HRH4: variants seen among roughly 807,000 people sequenced by gnomAD.
HRH4 encodes histamine H4 receptor.
HRH4 carries 12 observed loss-of-function variants against 10.4 expected under a neutral mutation model. The ratio of observed to expected loss-of-function variants is 1.15; its 90% CI spans 0.74 to 1.87. HRH4 has a LOEUF of 1.87. Ranked by LOEUF, HRH4 falls within the 40% of genes most tolerant of loss-of-function variation. The pLI is 0.00. For synonymous variants in HRH4, 154 were observed against 166.6 expected, an observed-to-expected ratio of 0.92 and a Z score of 0.58; for missense variants, 415 against 453.3, an observed-to-expected ratio of 0.92 and a Z score of 0.77.
Position 24,477,494 on chromosome 18 carries a change from T to G in HRH4, c.1105T>G (p.Phe369Val). 6.2e-7 allele frequency: 1 copy of G among 1,609,940 alleles called. No homozygotes were observed. Among genetic ancestry groups the G allele is most frequent in the South Asian group, 1.1e-5 (1 of 90,728 alleles). ...PLCHKRFQKA[F>V]LKIFCIKKQP... ...GTGTCACAAGCGCTTTCAAAAGGCT[T>G]TCTTGAAAATATTTTGTATAAAAAA... Residue 369 changes from phenylalanine (F) to valine (V), a missense_variant, in exon 3 of 3, where the codon TTC becomes GTC. Phe to Val is a conservative substitution (Grantham distance 50). Transcript: ENST00000256906.
Position 24,468,795 on chromosome 18 carries a change from C to T in HRH4, c.201C>T (p.Ile67=). ...LAISDFFVGV[I]SIPLYIPHTL... is the part of the protein sequence containing the mutation. ...TATGTTTTCCCTGTGCAGGTGTGATCTCCATTCCTTTGTACATCCCTCACA... is the reference window on the plus strand; with the variant it reads ...TATGTTTTCCCTGTGCAGGTGTGATTTCCATTCCTTTGTACATCCCTCACA... The change falls in exon 2 of 3, where the codon ATC becomes ATT. Residue 67 remains isoleucine (I), a synonymous_variant. Transcript: ENST00000256906. 1.9e-6 allele frequency: 3 copies of T among 1,612,086 alleles called. No individual in the cohort carries two copies. Among genetic ancestry groups the T allele is most frequent in the Non-Finnish European group, 2.5e-6 (3 of 1,179,346 alleles).
At chr18:24,475,399 G>A (rs1568099017) in intron 2 of HRH4, among the ~76,000 whole-genome samples, 1 of 152,212 alleles carries the variant, frequency 6.6e-6, no homozygotes, top group Non-Finnish European at 1.5e-5. Flanking sequence ...TAAGACAGGA[G>A]GATTACTTGA....
At position 24,479,302 on chromosome 18, in the gene HRH4, A is replaced by G. The variant is rs922634682; in HGVS notation, c.*1740A>G. ...CCTGTATGTCAATTATTATTTTAAA[A>G]TATTGTTGTATTTACTTAATGTCTT... On this transcript the variant is annotated 3_prime_UTR_variant, in exon 3 of 3. Transcript: ENST00000256906. The G allele has an allele frequency of 1.3e-5, 2 of 152,168 alleles. No individual in the cohort carries two copies. The highest frequency in any genetic ancestry group is 2.9e-5 in the Non-Finnish European group (2 of 68,040). 9.4% of individuals were successfully genotyped at this position (152,168 alleles called of 1,614,324 possible). A position where few individuals can be genotyped will look rare whatever the true frequency, so the allele number is the denominator to read the frequency against.
intron 2 of HRH4, among the ~76,000 whole-genome samples, chr18:24,469,934 G>T (rs1909890270): frequency 6.6e-6 from 1 of 152,052 alleles, no homozygotes; most frequent in Non-Finnish European, 1.5e-5. Context: ...CCTCAGGTAG[G>T]CCCCGGTATC....
At chr18:24,461,295 A>T (rs376133183) in intron 1 of HRH4, among the ~76,000 whole-genome samples, 2 of 152,248 alleles carry the variant, frequency 1.3e-5, no homozygotes, top group African/African-American at 4.8e-5. Flanking sequence ...ACAATGTTGG[A>T]GTAATAAGAA....
In HRH4 at chr18:24,476,719, A is replaced by G. The variant is rs111562857; in HGVS notation, c.358-28A>G. 8.4e-4 allele frequency: 1,258 copies of G among 1,496,290 alleles called. 9 individuals are homozygous for G. In the African/African-American group the frequency reaches 0.012, roughly 15 times the overall value. The allele number at this position is 1,496,290 out of a possible 1,614,324, so 92.7% of individuals were successfully genotyped here. On this transcript the variant is annotated intron_variant, in intron 2 of 2. Transcript: ENST00000256906. ...TATGCATTCAACATACACATTCATT[A>G]TATTGAAAATAATTTGGTTTCTTCT...
intron 2 of HRH4, among the ~76,000 whole-genome samples, chr18:24,469,841 G>A (rs923600743): frequency 4.6e-5 from 7 of 152,146 alleles, no homozygotes; most frequent in East Asian, 3.9e-4. Context: ...GGGTTTTGGC[G>A]TAGGGATTAT....
In HRH4 at chr18:24,460,708, C is replaced by A; in HGVS notation, c.-21C>A. The A allele has an allele frequency of 1.4e-6, 2 of 1,462,704 alleles. No individual in the cohort carries two copies. The highest frequency in any genetic ancestry group is 2.3e-5 in the East Asian group (1 of 42,596). 90.6% of individuals were successfully genotyped at this position (1,462,704 alleles called of 1,614,324 possible). On this transcript the variant is annotated 5_prime_UTR_variant, in exon 1 of 3. Coordinates refer to ENST00000256906, the MANE Select transcript of HRH4 (RefSeq NM_021624.4). ...TGGCTGGATTAATTTGCTAATTTGA[C>A]CTTCTTCATCATTTGATGTGATGCC...
Position 24,460,921 on chromosome 18 carries a change from G to T in HRH4, c.193G>T (p.Gly65Cys). Residue 65 changes from glycine (G) to cysteine (C), a missense_variant and splice_region_variant, in exon 1 of 3, where the codon GGT (glycine) becomes TGT (cysteine). Gly to Cys is a radical substitution (Grantham distance 159, BLOSUM62 -3). Transcript: ENST00000256906. ...LNLAISDFFV[G>C]VISIPLYIPH... ...CTTGGCCATCTCTGACTTCTTTGTGGGTAAGTTATATGTCTTTATTTAAGA... is the reference window on the plus strand; with the variant it reads ...CTTGGCCATCTCTGACTTCTTTGTGTGTAAGTTATATGTCTTTATTTAAGA... 6.5e-7 allele frequency: 1 copy of T among 1,539,784 alleles called. No homozygotes were observed.
chr18:24,460,772 G>C lies in HRH4; in HGVS notation c.44G>C (p.Arg15Pro). Residue 15 changes from arginine (R) to proline (P), a missense_variant, in exon 1 of 3, where the codon CGT becomes CCT. Coordinates refer to ENST00000256906, the MANE Select transcript of HRH4 (RefSeq NM_021624.4). The stretch of plus-strand genomic sequence containing the variant: ...ACAATCAATTTATCACTAAGCACTC[G>C]TGTTACTTTAGCATTTTTTATGTCC... ...NSTINLSLST[R>P]VTLAFFMSLV... 6.5e-7 allele frequency: 1 copy of C among 1,540,402 alleles called. No homozygotes were observed. Among genetic ancestry groups the C allele is most frequent in the South Asian group, 1.3e-5 (1 of 78,768 alleles).
chr18:24,471,284 T>C (rs1352849272), intron 2 of HRH4, among the ~76,000 whole-genome samples: 2 of 152,004 alleles, frequency 1.3e-5, no homozygotes, highest in Non-Finnish European at 2.9e-5. Context: ...GTGACCTTTT[T>C]TTTTCATTAA....
intron 2 of HRH4, among the ~76,000 whole-genome samples, chr18:24,474,262 G>A (rs538567094): frequency 3.6e-3 from 127 of 35,100 alleles, no homozygotes; most frequent in East Asian, 0.018. Flanking sequence ...GAAGCAGAAG[G>A]CAAAAAAAAA....
chr18:24,466,806 A>C (rs1173513345), intron 1 of HRH4, among the ~76,000 whole-genome samples: 1 of 152,238 alleles, frequency 6.6e-6, no homozygotes, highest in Non-Finnish European at 1.5e-5. Flanking sequence ...AACTCAACAA[A>C]GTAAGATTTC....
chr18:24,478,903 A>AT lies in HRH4; in HGVS notation c.*1347dup, dbSNP rs1201583339. ...TTGCCCAGCCTGGGTGTCAATAATT[A>AT]TTTTTTAAAAAAAATTTTTAAAAAG... is the stretch of plus-strand genomic sequence containing the variant. On this transcript the variant is annotated 3_prime_UTR_variant, in exon 3 of 3. Coordinates refer to ENST00000256906, the MANE Select transcript of HRH4 (RefSeq NM_021624.4). 1 of 151,638 alleles carries AT rather than the reference A, an allele frequency of 6.6e-6. No individual in the cohort carries two copies. Among genetic ancestry groups the AT allele is most frequent in the Non-Finnish European group, 1.5e-5 (1 of 67,916 alleles). 9.4% of individuals were successfully genotyped at this position (151,638 alleles called of 1,614,324 possible). A position where few individuals can be genotyped will look rare whatever the true frequency, so the allele number is the denominator to read the frequency against.
intron 2 of HRH4, among the ~76,000 whole-genome samples, chr18:24,476,251 T>C (rs1910127754): frequency 6.6e-6 from 1 of 152,200 alleles, no homozygotes; most frequent in African/African-American, 2.4e-5. Context: ...TCTTTATTTA[T>C]ATATATGTAT....
At chr18:24,473,047 C>T (rs533640204) in intron 2 of HRH4, among the ~76,000 whole-genome samples, 7 of 152,004 alleles carry the variant, frequency 4.6e-5, no homozygotes, top group African/African-American at 1.7e-4. Flanking sequence ...CCCAGCTACT[C>T]GGGAGACTGA....
chr18:24,472,601 A>AG (rs1452622842), intron 2 of HRH4, among the ~76,000 whole-genome samples: 1 of 152,198 alleles, frequency 6.6e-6, no homozygotes, highest in East Asian at 1.9e-4. Context: ...GGGATCCCAT[A>AG]GGAAGTAGCA....
Position 24,476,899 on chromosome 18 carries a change from G to A in HRH4, c.510G>A (p.Ser170=), listed in dbSNP as rs754846080. 3.3e-5 allele frequency: 53 copies of A among 1,613,870 alleles called. No homozygotes were observed. The highest frequency in any genetic ancestry group is 3.6e-5 in the Non-Finnish European group (43 of 1,180,006). ...EGSECEPGFF[S]EWYILAITSF... is the part of the protein sequence containing the mutation. ...GTGAATGTGAACCTGGATTTTTTTC[G>A]GAATGGTACATCCTTGCCATCACAT... The change falls in exon 3 of 3, where the codon TCG becomes TCA. Residue 170 remains serine (S), a synonymous_variant. Coordinates refer to ENST00000256906, the MANE Select transcript of HRH4 (RefSeq NM_021624.4).
chr18:24,473,436 G>A (rs779458153), intron 2 of HRH4, among the ~76,000 whole-genome samples: 10 of 152,160 alleles, frequency 6.6e-5, no homozygotes, highest in Non-Finnish European at 5.9e-5. Context: ...AAGGCTCCAG[G>A]ACACCTTGTT....
Sources: allele counts gnomAD v4.1 joint callset (sites outside exome capture counted in the v4.1 genomes callset), GRCh38; gene constraint gnomAD v4.1.1; transcripts MANE v1.5; gene names NCBI Gene and HGNC (gene_info 2026-07-23, HGNC 2026-07-21).